Variants in GRID2 observed in about 807,000 individuals in gnomAD.
GRID2 encodes glutamate ionotropic receptor delta type subunit 2, also known as glutamate receptor ionotropic, delta-2.
A neutral mutation model predicts 114.8 loss-of-function variants in GRID2; 33 were observed. The observed-to-expected ratio is 0.29, with a 90% CI of 0.22 to 0.38. GRID2 has a LOEUF of 0.38. Among genes scored for constraint, GRID2 ranks in the 10% least tolerant of loss-of-function variants. GRID2 has a pLI of 1.00. For missense variants in GRID2, 1,184 were observed against 1,257.7 expected (o/e 0.94, Z 0.89); for synonymous variants, 505 against 449.9 (o/e 1.12, Z -1.55).
chr4:92,745,782 G>A (rs1737122937), intron 2 of GRID2, among the ~76,000 whole-genome samples: 1 of 151,978 alleles, frequency 6.6e-6, no homozygotes, highest in Admixed American at 6.6e-5. Flanking sequence ...GGGCTTGGAA[G>A]TTTATAATAT....
intron 2 of GRID2, among the ~76,000 whole-genome samples, chr4:93,081,834 C>T (rs1453050136): frequency 1.3e-5 from 2 of 152,136 alleles, no homozygotes; most frequent in African/African-American, 4.8e-5. Context: ...GAAACTGCAA[C>T]TCATAATAAT....
chr4:92,721,867 C>T (rs962810543), intron 2 of GRID2, among the ~76,000 whole-genome samples: 4 of 152,124 alleles, frequency 2.6e-5, no homozygotes, highest in African/African-American at 7.2e-5. Context: ...CATTTAATGC[C>T]ACAAGTCATC....
At chr4:93,387,147 A>G (rs531301749) in intron 8 of GRID2, among the ~76,000 whole-genome samples, 1 of 152,244 alleles carries the variant, frequency 6.6e-6, no homozygotes, top group Middle Eastern at 3.4e-3. Context: ...TCCTCCCAAA[A>G]GTTTCAACAG....
chr4:93,777,880 T>C (rs952186309), downstream of GRID2, among the ~76,000 whole-genome samples: 2 of 152,204 alleles, frequency 1.3e-5, no homozygotes, highest in Non-Finnish European at 2.9e-5. Flanking sequence ...TATTATTAAA[T>C]TGCTGCTACT....
At chr4:92,430,237 G>A (rs1031314064) in intron 1 of GRID2, among the ~76,000 whole-genome samples, 1 of 152,070 alleles carries the variant, frequency 6.6e-6, no homozygotes, top group African/African-American at 2.4e-5. Context: ...CAGAGGTTGA[G>A]GTCTTAGATT....
intron 10 of GRID2, among the ~76,000 whole-genome samples, chr4:93,449,232 A>C (rs548331263): frequency 1.3e-5 from 2 of 152,006 alleles, no homozygotes; most frequent in Admixed American, 1.3e-4. Context: ...AAGTAGACCT[A>C]GTACTTGTGA....
intron 4 of GRID2, among the ~76,000 whole-genome samples, chr4:93,126,754 C>T (rs1369890985): frequency 1.3e-5 from 2 of 150,778 alleles, no homozygotes; most frequent in South Asian, 2.1e-4. Flanking sequence ...CCCGCTACCA[C>T]GCCCGGCTAA....
intron 3 of GRID2, among the ~76,000 whole-genome samples, chr4:93,102,653 A>G (rs1560880236): frequency 6.6e-6 from 1 of 151,924 alleles, no homozygotes; most frequent in Non-Finnish European, 1.5e-5. Flanking sequence ...TGTAGAAAAC[A>G]AGGGAGGCAT....
chr4:93,365,063 T>C (rs928718751), intron 8 of GRID2, among the ~76,000 whole-genome samples: 2 of 152,174 alleles, frequency 1.3e-5, no homozygotes, highest in Non-Finnish European at 2.9e-5. Flanking sequence ...TTCTCTTTGT[T>C]GGTTCTCTAC....
intron 8 of GRID2, among the ~76,000 whole-genome samples, chr4:93,365,647 G>A (rs1040021279): frequency 2.6e-5 from 4 of 152,094 alleles, no homozygotes; most frequent in Non-Finnish European, 5.9e-5. Flanking sequence ...GAAGGCAGCA[G>A]GTAGTGAATA....
At chr4:92,502,497 T>A (rs1417586090) in intron 1 of GRID2, among the ~76,000 whole-genome samples, 2 of 152,036 alleles carry the variant, frequency 1.3e-5, no homozygotes, top group East Asian at 3.9e-4. Context: ...TACATGCAAC[T>A]ACATGATACA....
chr4:93,369,643 C>T (rs1042675447), intron 8 of GRID2, among the ~76,000 whole-genome samples: 4 of 152,058 alleles, frequency 2.6e-5, no homozygotes, highest in Non-Finnish European at 5.9e-5. Flanking sequence ...TGCATGCCAC[C>T]ACACACAGCT....
intron 2 of GRID2, among the ~76,000 whole-genome samples, chr4:92,836,155 A>C (rs1325213530): frequency 6.6e-6 from 1 of 152,246 alleles, no homozygotes; most frequent in South Asian, 2.1e-4. Flanking sequence ...GTAACGACAG[A>C]GTTGAGTAGT....
intron 14 of GRID2, among the ~76,000 whole-genome samples, chr4:93,704,818 G>A (rs1727848624): frequency 6.6e-6 from 1 of 152,118 alleles, no homozygotes; most frequent in Non-Finnish European, 1.5e-5. Flanking sequence ...ACTCCATTGT[G>A]TATATGTAAC....
chr4:92,623,591 A>G (rs1718716395), intron 2 of GRID2, among the ~76,000 whole-genome samples: 1 of 151,816 alleles, frequency 6.6e-6, no homozygotes, highest in East Asian at 1.9e-4. Flanking sequence ...GTAGTCAGAG[A>G]CAGTAGTGGC....
chr4:93,176,831 G>T (rs1031477254), intron 4 of GRID2, among the ~76,000 whole-genome samples: 9 of 152,058 alleles, frequency 5.9e-5, no homozygotes, highest in Non-Finnish European at 1.3e-4. Context: ...TCTGAAGTGG[G>T]AATATCTCAT....
chr4:92,609,663 C>T (rs1729629761), intron 2 of GRID2, among the ~76,000 whole-genome samples: 1 of 150,716 alleles, frequency 6.6e-6, no homozygotes. Flanking sequence ...TATAATTTTT[C>T]TTTCTTCTCG....
chr4:92,675,642 C>T (rs1733312462), intron 2 of GRID2, among the ~76,000 whole-genome samples: 1 of 151,518 alleles, frequency 6.6e-6, no homozygotes, highest in South Asian at 2.1e-4. Context: ...GCTCCGCCTC[C>T]CAGGGTCATG....
chr4:92,621,653 C>T (rs1332082368), intron 2 of GRID2, among the ~76,000 whole-genome samples: 1 of 151,666 alleles, frequency 6.6e-6, no homozygotes, highest in African/African-American at 2.4e-5. Context: ...AGCGAGACAT[C>T]ATCTCTTAAA....
Sources: allele counts gnomAD v4.1 joint callset (sites outside exome capture counted in the v4.1 genomes callset), GRCh38; gene constraint gnomAD v4.1.1; transcripts MANE v1.5; gene names NCBI Gene and HGNC (gene_info 2026-07-23, HGNC 2026-07-21).